Variants in ROBO2 observed in about 807,000 individuals in gnomAD.
ROBO2 encodes roundabout guidance receptor 2, also known as roundabout homolog 2.
ROBO2 carries 53 observed loss-of-function variants against 160.8 expected under a neutral mutation model. That is an observed-to-expected ratio of 0.33 (90% CI 0.26 to 0.41). ROBO2 has a LOEUF of 0.41. Ranked by LOEUF, ROBO2 falls within the 10% of genes least tolerant of loss-of-function variation. ROBO2 has a pLI of 1.00. For missense variants in ROBO2, 1,577 were observed against 1,722.4 expected (o/e 0.92, Z 1.49); for synonymous variants, 664 against 611.7 (o/e 1.09, Z -1.26).
intron 2 of ROBO2, among the ~76,000 whole-genome samples, chr3:76,831,642 G>A (rs2067104784): frequency 6.6e-6 from 1 of 152,140 alleles, no homozygotes; most frequent in African/African-American, 2.4e-5. Flanking sequence ...TTATACATTT[G>A]TATTATCTAT....
chr3:76,627,262 C>T (rs934194160), intron 2 of ROBO2, among the ~76,000 whole-genome samples: 7 of 152,316 alleles, frequency 4.6e-5, no homozygotes, highest in Middle Eastern at 3.4e-3. Context: ...ACTGTAACCT[C>T]ACCCTCTACA....
chr3:76,660,050 G>A (rs546629575), intron 2 of ROBO2, among the ~76,000 whole-genome samples: 1 of 152,248 alleles, frequency 6.6e-6, no homozygotes, highest in African/African-American at 2.4e-5. Context: ...GGAGAAATTT[G>A]TTACTTGCCA....
chr3:76,679,658 A>G (rs1339324560), intron 2 of ROBO2, among the ~76,000 whole-genome samples: 1 of 152,172 alleles, frequency 6.6e-6, no homozygotes, highest in South Asian at 2.1e-4. Context: ...TGTTAACAAA[A>G]ATAACACTAT....
intron 2 of ROBO2, among the ~76,000 whole-genome samples, chr3:76,662,105 G>A (rs1156318566): frequency 6.6e-6 from 1 of 151,980 alleles, no homozygotes; most frequent in African/African-American, 2.4e-5. Flanking sequence ...CATATTCAAT[G>A]CCCCACTTCC....
chr3:76,650,875 G>A (rs116106813), intron 2 of ROBO2, among the ~76,000 whole-genome samples: 410 of 152,278 alleles, frequency 2.7e-3, no homozygotes, highest in Admixed American at 8.4e-3. Context: ...ACCTTAAGAC[G>A]TTAATAGTAG....
chr3:76,069,051 T>C (rs1270736543), intron 2 of ROBO2, among the ~76,000 whole-genome samples: 1 of 152,156 alleles, frequency 6.6e-6, no homozygotes, highest in Non-Finnish European at 1.5e-5. Context: ...GCATTTTCTT[T>C]TTATCTCAGA....
intron 2 of ROBO2, among the ~76,000 whole-genome samples, chr3:76,328,921 T>TATAC (rs1158327676): frequency 6.8e-6 from 1 of 148,092 alleles, no homozygotes; most frequent in African/African-American, 2.5e-5. Context: ...TATATATATA[T>TATAC]ATATATATAT....
chr3:77,040,765 G>A, exon 1 of ROBO2: 1 of 1,613,874 alleles, frequency 6.2e-7, no homozygotes, highest in African/African-American at 1.3e-5. Flanking sequence ...AAAGAATCTG[G>A]ATCCTTTTTA....
At position 77,433,952 on chromosome 3, in the gene ROBO2, C is replaced by T. The variant is rs541467483; in HGVS notation, c.389-43462C>T. Among the ~76,000 whole-genome samples, 5 of 152,176 alleles carry T rather than the reference C, an allele frequency of 3.3e-5. No individual in the cohort carries two copies. The East Asian group carries it at 9.7e-4, about 30-fold the overall frequency. ...ATCTACTTCTTTTTATTCATACTGC[C>T]ATCACTCTCGTCAAAGCAGCCGCAT... On this transcript the variant is annotated intron_variant, in intron 2 of 25. Transcript: ENST00000461745.
At chr3:77,636,355 A>G (rs1412631236) in intron 24 of ROBO2, among the ~76,000 whole-genome samples, 2 of 152,088 alleles carry the variant, frequency 1.3e-5, no homozygotes, top group Non-Finnish European at 1.5e-5. Context: ...GCACTGTAGG[A>G]GGCTGAGGCG....
intron 2 of ROBO2, among the ~76,000 whole-genome samples, chr3:77,292,646 G>A (rs1159801961): frequency 6.6e-6 from 1 of 150,988 alleles, no homozygotes; most frequent in African/African-American, 2.4e-5. Flanking sequence ...GTTGAGGCTA[G>A]AACAGTAAAG....
chr3:77,448,148 T>C (rs1308245649), intron 2 of ROBO2, among the ~76,000 whole-genome samples: 1 of 152,110 alleles, frequency 6.6e-6, no homozygotes, highest in Non-Finnish European at 1.5e-5. Context: ...TTGAGAAAAA[T>C]AATGCAGTGG....
chr3:76,142,896 A>C (rs1179683852), intron 2 of ROBO2, among the ~76,000 whole-genome samples: 1 of 152,034 alleles, frequency 6.6e-6, no homozygotes, highest in East Asian at 1.9e-4. Flanking sequence ...GCCTGTATCA[A>C]AACATCTTCG....
intron 2 of ROBO2, among the ~76,000 whole-genome samples, chr3:76,686,650 C>T (rs1458602782): frequency 6.6e-6 from 1 of 152,006 alleles, no homozygotes; most frequent in Non-Finnish European, 1.5e-5. Context: ...GAAACAGAAA[C>T]ATTCCCATGC....
chr3:76,521,453 C>G (rs1270839464), intron 2 of ROBO2, among the ~76,000 whole-genome samples: 2 of 152,088 alleles, frequency 1.3e-5, no homozygotes, highest in Admixed American at 6.6e-5. Flanking sequence ...CCAAGGAGAA[C>G]AGCAGAGATG....
chr3:77,624,172 T>C (rs763608285), intron 23 of ROBO2, among the ~76,000 whole-genome samples: 2 of 152,224 alleles, frequency 1.3e-5, no homozygotes, highest in African/African-American at 2.4e-5. Flanking sequence ...GAATAATACA[T>C]CTCTTTAGTA....
At chr3:76,537,228 G>A (rs1248391828) in intron 2 of ROBO2, among the ~76,000 whole-genome samples, 1 of 151,974 alleles carries the variant, frequency 6.6e-6, no homozygotes, top group African/African-American at 2.4e-5. Context: ...AGATTAGGAA[G>A]GGAACAAAGT....
chr3:77,397,790 T>C (rs2075418374), intron 2 of ROBO2, among the ~76,000 whole-genome samples: 1 of 152,166 alleles, frequency 6.6e-6, no homozygotes, highest in Non-Finnish European at 1.5e-5. Context: ...GCAAACTATA[T>C]AATTTTTGTT....
chr3:77,608,159 C>T lies in ROBO2; in HGVS notation c.3293+205C>T, dbSNP rs143990652. Among the ~76,000 whole-genome samples the T allele has an allele frequency of 4.6e-3, 705 of 151,998 alleles. 4 individuals carry two copies. The highest frequency in any genetic ancestry group is 0.016 in the African/African-American group (681 of 41,420). On this transcript the variant is annotated intron_variant, in intron 21 of 25. Coordinates refer to ENST00000461745, the Ensembl canonical transcript of ROBO2. ...ACAGCACATATTGAGGACTGAGAAT[C>T]CTTGGCCTTCAAGTGCCTTAGATTG...
Sources: gnomAD v4.1 joint callset for allele counts (sites outside exome capture counted in the v4.1 genomes callset) on GRCh38, gnomAD v4.1.1 for gene constraint, MANE v1.5 for transcripts, NCBI Gene and HGNC (gene_info 2026-07-23, HGNC 2026-07-21) for gene names.